RAB38: variants seen among roughly 807,000 people sequenced by gnomAD.
The protein encoded by RAB38 is RAB38, member RAS oncogene family.
In RAB38, 15 loss-of-function variants were observed where a neutral mutation model predicts 18.4. The observed-to-expected ratio is 0.82, with a 90% CI of 0.55 to 1.26. RAB38 has a LOEUF of 1.26. Among genes scored for constraint, RAB38 ranks in the 50% most tolerant of loss-of-function variants. RAB38 has a pLI of 0.00. For synonymous variants in RAB38, 101 were observed against 104.4 expected (o/e 0.97, Z 0.20); for missense variants, 294 against 267.4 (o/e 1.10, Z -0.69).
At chr11:87,964,696 A>C in the RAB38 span, among the ~76,000 whole-genome samples, 1 of 152,130 alleles carries the variant, frequency 6.6e-6, no homozygotes, top group Non-Finnish European at 1.5e-5. Context: ...TTGGTGGTAT[A>C]AAACACTAAT....
chr11:87,900,536 C>A, the RAB38 span, among the ~76,000 whole-genome samples: 1 of 151,566 alleles, frequency 6.6e-6, no homozygotes, highest in Non-Finnish European at 1.5e-5. Flanking sequence ...TTATATTCAC[C>A]AGCTAGACAC....
At chr11:87,872,647 T>C in the RAB38 span, among the ~76,000 whole-genome samples, 1 of 151,620 alleles carries the variant, frequency 6.6e-6, no homozygotes, top group Non-Finnish European at 1.5e-5. Context: ...ACTGTCTCCA[T>C]AGTTTTACCT....
At chr11:88,004,559 C>T in the RAB38 span, among the ~76,000 whole-genome samples, 2 of 151,164 alleles carry the variant, frequency 1.3e-5, no homozygotes, top group South Asian at 2.1e-4. Context: ...AAACGCTATC[C>T]ATCTATGAGC....
At chr11:87,975,680 T>C in the RAB38 span, among the ~76,000 whole-genome samples, 1 of 151,832 alleles carries the variant, frequency 6.6e-6, no homozygotes, top group African/African-American at 2.4e-5. Flanking sequence ...ATTGAGAGAT[T>C]CCTTCATTTT....
chr11:87,805,284 A>G, the RAB38 span, among the ~76,000 whole-genome samples: 9 of 152,240 alleles, frequency 5.9e-5, no homozygotes, highest in Admixed American at 1.3e-4. Flanking sequence ...ATGGACATCT[A>G]TGTTTATACA....
chr11:88,080,860 AG>A, the RAB38 span, among the ~76,000 whole-genome samples: 7 of 131,022 alleles, frequency 5.3e-5, no homozygotes, highest in Admixed American at 3.3e-4. Flanking sequence ...GGAAGGAGGG[AG>A]GGAGGGAGGG....
the RAB38 span, among the ~76,000 whole-genome samples, chr11:88,077,970 T>TTCA: frequency 1.4e-4 from 21 of 151,764 alleles, no homozygotes; most frequent in Admixed American, 3.9e-4. Flanking sequence ...CAATAGCAAA[T>TTCA]TCATCATCAT....
the RAB38 span, among the ~76,000 whole-genome samples, chr11:87,950,815 G>A: frequency 2.8e-3 from 431 of 152,220 alleles, 1 homozygote; most frequent in Non-Finnish European, 5.0e-3. Context: ...GGCTGCCCTT[G>A]ACATTTTTTC....
the RAB38 span, among the ~76,000 whole-genome samples, chr11:87,919,515 A>G: frequency 6.6e-6 from 1 of 152,078 alleles, no homozygotes; most frequent in Admixed American, 6.6e-5. Context: ...TATTTTGTTA[A>G]GAATTTTTAA....
chr11:87,966,375 C>T, the RAB38 span, among the ~76,000 whole-genome samples: 21 of 152,164 alleles, frequency 1.4e-4, no homozygotes, highest in African/African-American at 5.1e-4. Context: ...CTCATTTCAG[C>T]ACTAGGAGAT....
At chr11:87,901,451 T>G in the RAB38 span, among the ~76,000 whole-genome samples, 1 of 151,616 alleles carries the variant, frequency 6.6e-6, no homozygotes, top group African/African-American at 2.4e-5. Flanking sequence ...AAGTGTAATA[T>G]TTTTTCTAAA....
the RAB38 span, among the ~76,000 whole-genome samples, chr11:88,084,610 G>A: frequency 6.6e-6 from 1 of 151,846 alleles, no homozygotes; most frequent in Non-Finnish European, 1.5e-5. Context: ...ACCCTTCAAA[G>A]CCAGACTTCA....
At chr11:87,882,229 T>G in the RAB38 span, among the ~76,000 whole-genome samples, 1 of 151,904 alleles carries the variant, frequency 6.6e-6, no homozygotes, top group Non-Finnish European at 1.5e-5. Context: ...AAGTTCTTTC[T>G]ATGCTTTTGC....
the RAB38 span, among the ~76,000 whole-genome samples, chr11:88,043,959 C>CT: frequency 5.3e-5 from 8 of 152,230 alleles, no homozygotes; most frequent in East Asian, 1.9e-4. Context: ...AGTAAGCAAC[C>CT]TTTTTTTTAC....
intron 2 of RAB38, among the ~76,000 whole-genome samples, chr11:88,141,901 C>G (rs932597778): frequency 6.6e-6 from 1 of 152,198 alleles, no homozygotes. Context: ...CATCATATGG[C>G]CTCTACAGGT....
At chr11:88,096,940 G>A in the RAB38 span, among the ~76,000 whole-genome samples, 60 of 148,670 alleles carry the variant, frequency 4.0e-4, no homozygotes, top group African/African-American at 1.4e-3. Flanking sequence ...GTTTTATTTT[G>A]TAAAATAAAA....
At chr11:88,112,588 A>G (rs1047308390), downstream of RAB38, among the ~76,000 whole-genome samples, 7 of 152,130 alleles carry the variant, frequency 4.6e-5, no homozygotes, top group African/African-American at 1.7e-4. Context: ...AAATAGCAGG[A>G]TCCTGATAAA....
At chr11:87,888,421 C>T in the RAB38 span, among the ~76,000 whole-genome samples, 32 of 151,898 alleles carry the variant, frequency 2.1e-4, no homozygotes, top group African/African-American at 7.7e-4. Flanking sequence ...TTGAGTTAGA[C>T]AAACATGGGT....
the RAB38 span, among the ~76,000 whole-genome samples, chr11:87,937,748 T>C: frequency 6.6e-6 from 1 of 152,116 alleles, no homozygotes; most frequent in Non-Finnish European, 1.5e-5. Flanking sequence ...GGTTTAGATG[T>C]AAAATCTCCA....
Sources: allele counts gnomAD v4.1 joint callset (sites outside exome capture counted in the v4.1 genomes callset), GRCh38; gene constraint gnomAD v4.1.1; transcripts MANE v1.5; gene names NCBI Gene and HGNC (gene_info 2026-07-23, HGNC 2026-07-21).